ZNF786: variants seen among roughly 807,000 people sequenced by gnomAD.
ZNF786 encodes the protein zinc finger protein 786.
ZNF786 carries 56 observed loss-of-function variants against 63.1 expected under a neutral mutation model. The ratio of observed to expected loss-of-function variants is 0.89; its 90% confidence interval spans 0.72 to 1.11. The LOEUF (loss-of-function observed/expected upper bound fraction) is 1.11. ZNF786 is among the 50% of genes least tolerant of loss of function. The pLI, the probability that ZNF786 is intolerant of heterozygous loss-of-function variation, is 0.00. For missense variants in ZNF786, 1,213 were observed against 1,041.8 expected (o/e 1.16, Z -2.26); for synonymous variants, 485 against 406.9 (o/e 1.19, Z -2.31).
rs1322966826 is a variant in ZNF786, at chr7:149,072,223, C to T, written c.549G>A (p.Glu183=). 2 of 1,613,510 alleles carry T rather than the reference C, an allele frequency of 1.2e-6. No individual in the cohort carries two copies. Among genetic ancestry groups the T allele is most frequent in the African/African-American group, 1.3e-5 (1 of 74,930 alleles). The change falls in exon 4 of 4, where the codon GAG becomes GAA. Residue 183 remains glutamate (E), a synonymous_variant. Coordinates refer to ENST00000491431, the MANE Select transcript of ZNF786 (RefSeq NM_152411.4). ...AGACAGGCCAAGGGTGCTGGGTGCTCTCCCAGGCGGGGACGTCCCACAAAC... is the reference window on the plus strand; with the variant it reads ...AGACAGGCCAAGGGTGCTGGGTGCTTTCCCAGGCGGGGACGTCCCACAAAC... ...LPGLWDVPAW[E]STQHPWPVCG... is the part of the protein sequence containing the mutation.
rs1365500270 is a variant in ZNF786 at position 149,071,292 on chromosome 7, T to C, written c.1480A>G (p.Ser494Gly). 2 of 1,606,672 alleles carry C rather than the reference T, an allele frequency of 1.2e-6. No individual in the cohort carries two copies. Among genetic ancestry groups the C allele is most frequent in the Non-Finnish European group, 1.7e-6 (2 of 1,177,838 alleles). The change falls in exon 4 of 4, where the codon AGC (serine) becomes GGC (glycine). Residue 494 changes from serine to glycine, a missense_variant. Coordinates refer to ENST00000491431, the MANE Select transcript of ZNF786 (RefSeq NM_152411.4). ...CGGAGCCGGTGGGCTCTCAGCATGC[T>C]CTCCAGGCGGAAGCTCAGCCCACAC... The part of the protein sequence containing the change: ...PECGLSFRLE[S>G]MLRAHRLRHG...
chr7:149,072,532 TCA>T, intron 3 of ZNF786, 59 bp from the exon 4 acceptor site: 1 of 1,473,904 alleles, frequency 6.8e-7, no homozygotes, highest in South Asian at 1.4e-5. Context: ...CTAGCGATTC[TCA>T]CAGTCAAGTG....
chr7:149,081,160 A>T, intron 1 of ZNF786: 1 of 456,368 alleles, frequency 2.2e-6, no homozygotes. Flanking sequence ...GTATTCAGCC[A>T]GGCGCAGTGG....
chr7:149,090,531 A>G (rs547670949), intron 1 of ZNF786, 92 bp downstream of exon 1: 91 of 1,338,214 alleles, frequency 6.8e-5, no homozygotes, highest in Non-Finnish European at 8.7e-5. Flanking sequence ...CACCGCGCGC[A>G]CTCACGGGGA....
chr7:149,076,508 G>C (rs1176623795), intron 2 of ZNF786, among the ~76,000 whole-genome samples: 1 of 150,664 alleles, frequency 6.6e-6, no homozygotes, highest in Non-Finnish European at 1.5e-5. Context: ...GCGGGAGGAT[G>C]ACGAGGTCAG....
intron 1 of ZNF786, among the ~76,000 whole-genome samples, chr7:149,086,914 C>G (rs1825748697): frequency 6.6e-6 from 1 of 151,502 alleles, no homozygotes. Flanking sequence ...GGCACGATCT[C>G]AGCTCACTGC....
At chr7:149,078,126 G>C (rs563013074) in intron 2 of ZNF786, among the ~76,000 whole-genome samples, 1 of 151,754 alleles carries the variant, frequency 6.6e-6, no homozygotes, top group Non-Finnish European at 1.5e-5. Flanking sequence ...GCCTCCAAAA[G>C]TGCTGGGATT....
chr7:149,076,115 TTTTTG>T (rs2129515170), intron 2 of ZNF786, among the ~76,000 whole-genome samples: 1 of 151,966 alleles, frequency 6.6e-6, no homozygotes, highest in African/African-American at 2.4e-5. Flanking sequence ...TGTTGCTGGG[TTTTTG>T]TTTTGTTTTT....
intron 1 of ZNF786, chr7:149,082,535 A>G (rs971468934): frequency 4.3e-6 from 4 of 933,892 alleles, no homozygotes; most frequent in Non-Finnish European, 5.1e-6. Flanking sequence ...TGTTATTGCC[A>G]TATGTCCTCA....
Position 149,072,346 on chromosome 7 carries a change from C to T in ZNF786, c.426G>A (p.Gln142=), listed in dbSNP as rs1326547552. 1.9e-6 allele frequency: 3 copies of T among 1,613,614 alleles called. No homozygotes were observed. The highest frequency in any genetic ancestry group is 2.5e-6 in the Non-Finnish European group (3 of 1,179,772). Residue 142 remains glutamine, a synonymous_variant, in exon 4 of 4, where the codon CAG becomes CAA. Transcript: ENST00000491431. The stretch of plus-strand genomic sequence containing the variant: ...GTGGAGGAGCCCTGGCGTCGTGTCT[C>T]TGTGGGCTCCCGAGGGTGATGCCTT... ...PDQGITLGSP[Q]RHDARAPPPL...
intron 2 of ZNF786, among the ~76,000 whole-genome samples, chr7:149,079,292 C>T (rs1198032377): frequency 5.3e-5 from 8 of 151,706 alleles, no homozygotes; most frequent in African/African-American, 1.9e-4. Flanking sequence ...GCCTGTAGTC[C>T]CAGCTACTCG....
chr7:149,072,395 G>A lies in ZNF786; in HGVS notation c.377C>T (p.Ser126Phe). The A allele has an allele frequency of 6.2e-7, 1 of 1,613,138 alleles. No homozygotes were observed. The highest frequency in any genetic ancestry group is 1.1e-5 in the South Asian group (1 of 90,908). Residue 126 changes from serine (S) to phenylalanine (F), a missense_variant, in exon 4 of 4, where the codon TCC becomes TTC. Coordinates refer to ENST00000491431, the MANE Select transcript of ZNF786 (RefSeq NM_152411.4). ...LDPESQCSFGSFVSFRPDQGI... is the reference protein window; with the variant it reads ...LDPESQCSFGFFVSFRPDQGI... ...TTGGTCAGGCCTGAAGGAAACAAAG[G>A]ATCCAAAGGAACACTGGCTTTCAGG...
At chr7:149,073,799 T>C (rs1386316916) in intron 3 of ZNF786, among the ~76,000 whole-genome samples, 3 of 136,636 alleles carry the variant, frequency 2.2e-5, no homozygotes, top group Non-Finnish European at 4.7e-5. Flanking sequence ...ATATAGTTTT[T>C]TTTTTGAGAC....
chr7:149,074,237 C>G, intron 3 of ZNF786, 149 bp downstream of exon 3: 2 of 922,432 alleles, frequency 2.2e-6, no homozygotes. Flanking sequence ...CTAGAACCCA[C>G]ATTCCTAACC....
In ZNF786 at chr7:149,071,861, C is replaced by G; in HGVS notation, c.911G>C (p.Arg304Pro). Residue 304 changes from arginine (R) to proline (P), a missense_variant, in exon 4 of 4, where the codon CGC becomes CCC. Arg to Pro is a moderately radical substitution (Grantham distance 103, BLOSUM62 -2). Transcript: ENST00000491431. ...KPAQCTPCGK[R>P]SLPVDSTQAR... The stretch of plus-strand genomic sequence containing the variant: ...CTGCGTGCTGTCCACTGGGAGGGAG[C>G]GCTTGCCGCATGGGGTGCACTGGGC... The G allele has an allele frequency of 1.3e-6, 2 of 1,598,394 alleles. No homozygotes were observed. The highest frequency in any genetic ancestry group is 1.7e-6 in the Non-Finnish European group (2 of 1,175,820).
At chr7:149,082,447 G>T in intron 1 of ZNF786, 1 of 580,146 alleles carries the variant, frequency 1.7e-6, no homozygotes, top group Non-Finnish European at 2.2e-6. Flanking sequence ...ACAACTAGGA[G>T]TATGTAAATT....
intron 3 of ZNF786, among the ~76,000 whole-genome samples, chr7:149,073,362 GA>G (rs368737234): frequency 1.5e-3 from 222 of 152,196 alleles, no homozygotes; most frequent in Middle Eastern, 3.4e-3. Context: ...CTCTAGTTAG[GA>G]AGGAAGCCAC....
rs763473808 is a variant in ZNF786 at position 149,071,758 on chromosome 7, C to T, written c.1014G>A (p.Ser338=). The T allele has an allele frequency of 3.1e-6, 5 of 1,588,202 alleles. No homozygotes were observed. The South Asian group carries it at 5.6e-5, about 18-fold the overall frequency. The change falls in exon 4 of 4, where the codon TCG becomes TCA. Residue 338 remains serine, a synonymous_variant. Transcript: ENST00000491431. ...GCAGGCGCGAGCCTGGTTTCTGTCC[C>T]GAGTGCACACTGCTGGAGGCCCCGC... ...EGRGASSSVH[S]GQKPGSRLPQ...
intron 1 of ZNF786, chr7:149,082,411 A>G (rs2129516687): frequency 3.2e-6 from 1 of 316,072 alleles, no homozygotes. Context: ...CAGTTGACTT[A>G]GATAAATGGA....
Sources: gnomAD v4.1 joint callset for allele counts (sites outside exome capture counted in the v4.1 genomes callset) on GRCh38, gnomAD v4.1.1 for gene constraint, MANE v1.5 for transcripts, NCBI Gene and HGNC (gene_info 2026-07-23, HGNC 2026-07-21) for gene names.